Variants in DCAF8L2 observed in about 807,000 individuals in gnomAD.
DCAF8L2 encodes DDB1 and CUL4 associated factor 8 like 2, also known as DDB1- and CUL4-associated factor 8-like protein 2.
For missense variants in DCAF8L2, 430 were observed against 490.7 expected, an observed-to-expected ratio of 0.88 and a Z score of 1.17; for synonymous variants, 200 against 190.9, an observed-to-expected ratio of 1.05 and a Z score of -0.39.
intron 1 of DCAF8L2, among the ~76,000 whole-genome samples, chrX:27,610,199 A>G (rs1927090455): frequency 9.0e-6 from 1 of 111,516 alleles, no homozygotes; most frequent in East Asian, 2.8e-4. Flanking sequence ...TCATACCTAC[A>G]ATAAGTATGT....
At chrX:27,720,232 C>T (rs5926879) in intron 4 of DCAF8L2, among the ~76,000 whole-genome samples, 31,848 of 110,748 alleles carry the variant, frequency 0.29, 3,917 homozygotes, top group Middle Eastern at 0.42. Context: ...GACTTTGTTT[C>T]GTTTAGATAA....
chrX:27,565,893 G>A, the DCAF8L2 span, among the ~76,000 whole-genome samples: 7 of 110,892 alleles, frequency 6.3e-5, no homozygotes. Flanking sequence ...GGCACAAAAA[G>A]ACAGGTTAGG....
At chrX:27,606,357 G>GT in intron 1 of DCAF8L2, among the ~76,000 whole-genome samples, 1 of 26,963 alleles carries the variant, frequency 3.7e-5, no homozygotes, top group African/African-American at 2.2e-4. Context: ...ATATATCTAG[G>GT]AATATATATA....
chrX:27,564,592 G>T, the DCAF8L2 span, among the ~76,000 whole-genome samples: 22 of 110,406 alleles, frequency 2.0e-4, no homozygotes, highest in Non-Finnish European at 2.5e-4. Context: ...CAGCATATCT[G>T]GGAGTCTATT....
chrX:27,640,529 A>G (rs886875244), intron 2 of DCAF8L2, among the ~76,000 whole-genome samples: 1 of 112,504 alleles, frequency 8.9e-6, no homozygotes, highest in Non-Finnish European at 1.9e-5. Flanking sequence ...TCATTTCCCA[A>G]TTTTGGCACT....
chrX:27,550,206 G>C, the DCAF8L2 span, among the ~76,000 whole-genome samples: 1 of 112,088 alleles, frequency 8.9e-6, no homozygotes, highest in Non-Finnish European at 1.9e-5. Context: ...ATGAAGGCCT[G>C]ATAGTCTCTT....
At chrX:27,577,704 T>C in the DCAF8L2 span, among the ~76,000 whole-genome samples, 1 of 111,358 alleles carries the variant, frequency 9.0e-6, no homozygotes, top group African/African-American at 3.3e-5. Flanking sequence ...CAGCAAAGTC[T>C]CAGGATACAA....
the DCAF8L2 span, among the ~76,000 whole-genome samples, chrX:27,523,641 A>C: frequency 9.1e-6 from 1 of 109,421 alleles, no homozygotes. Flanking sequence ...TTTGTACTTT[A>C]AGTTCTAGGG....
At chrX:27,663,039 G>T (rs1008194144) in intron 2 of DCAF8L2, among the ~76,000 whole-genome samples, 2 of 111,251 alleles carry the variant, frequency 1.8e-5, no homozygotes, top group African/African-American at 3.3e-5. Flanking sequence ...TCATATAATA[G>T]GTATTGCAAT....
chrX:27,666,500 C>G (rs1929746115), intron 2 of DCAF8L2, among the ~76,000 whole-genome samples: 1 of 111,867 alleles, frequency 8.9e-6, no homozygotes, highest in Non-Finnish European at 1.9e-5. Context: ...ATATTTTAAC[C>G]TGGATGGAAA....
chrX:27,494,794 T>C, the DCAF8L2 span, among the ~76,000 whole-genome samples: 211 of 112,301 alleles, frequency 1.9e-3, no homozygotes, highest in African/African-American at 6.2e-3. Flanking sequence ...TCTGTTCTCT[T>C]TGCATTGAAA....
chrX:27,737,178 AC>A (rs1921575551), intron 4 of DCAF8L2, among the ~76,000 whole-genome samples: 1 of 111,621 alleles, frequency 9.0e-6, no homozygotes, highest in Non-Finnish European at 1.9e-5. Context: ...ATACACGCAA[AC>A]CCTTTGGGAT....
chrX:27,626,432 GAGT>G (rs1928010336), intron 1 of DCAF8L2, among the ~76,000 whole-genome samples: 1 of 111,852 alleles, frequency 8.9e-6, no homozygotes, highest in Non-Finnish European at 1.9e-5. Flanking sequence ...TAGTTTGCAG[GAGT>G]CATCCTTCTG....
intron 3 of DCAF8L2, among the ~76,000 whole-genome samples, chrX:27,679,316 CTT>C (rs58044394): frequency 5.7e-5 from 6 of 105,347 alleles, no homozygotes; most frequent in African/African-American, 1.7e-4. Context: ...CCAGTTTGAG[CTT>C]TTTTTTTTCC....
intron 1 of DCAF8L2, among the ~76,000 whole-genome samples, chrX:27,592,417 G>GTT (rs1248208449): frequency 0.054 from 4,519 of 83,634 alleles, 120 homozygotes; most frequent in Non-Finnish European, 0.065. Flanking sequence ...GTTTGTTTTT[G>GTT]TTTTTTTTTT....
the DCAF8L2 span, among the ~76,000 whole-genome samples, chrX:27,565,170 T>C: frequency 1.3e-4 from 14 of 110,842 alleles, no homozygotes; most frequent in African/African-American, 4.3e-4. Context: ...CCATTGATTA[T>C]GACATTAGCT....
Position 27,624,702 on chromosome X carries a change from A to T in DCAF8L2, c.-341-7177A>T, listed in dbSNP as rs760007605. On this transcript the variant is annotated intron_variant, in intron 1 of 4. Coordinates refer to ENST00000451261, the MANE Select transcript of DCAF8L2 (RefSeq NM_001353450.2). ...ATAGAGAACCCAGAAATAAATCTGG[A>T]CACCTACAACCATCTGATCTTTGAC... 2.7e-5 allele frequency among the ~76,000 whole-genome samples: 3 copies of T among 111,396 alleles called. No homozygotes were observed. The East Asian group carries it at 8.5e-4, about 32-fold the overall frequency.
At chrX:27,578,902 A>T in the DCAF8L2 span, among the ~76,000 whole-genome samples, 18 of 110,703 alleles carry the variant, frequency 1.6e-4, no homozygotes, top group African/African-American at 5.6e-4. Flanking sequence ...GTCAAAAAAA[A>T]AAAAAACAGA....
intron 2 of DCAF8L2, among the ~76,000 whole-genome samples, chrX:27,650,022 C>CAGA (rs1929092162): frequency 9.0e-6 from 1 of 111,311 alleles, no homozygotes; most frequent in East Asian, 2.8e-4. Flanking sequence ...CTGCATATGC[C>CAGA]AGCTATCTCA....
Sources: gnomAD v4.1 joint callset for allele counts (sites outside exome capture counted in the v4.1 genomes callset) on GRCh38, gnomAD v4.1.1 for gene constraint, MANE v1.5 for transcripts, NCBI Gene and HGNC (gene_info 2026-07-23, HGNC 2026-07-21) for gene names.